The following ZNHIT6 variants were observed in gnomAD, a reference collection of about 807,000 sequenced individuals.
ZNHIT6 encodes box C/D snoRNA protein 1.
Under a neutral mutation model 57.2 loss-of-function variants are expected in ZNHIT6, and 45 were observed. The ratio of observed to expected loss-of-function variants is 0.79; its 90% CI spans 0.62 to 1.01. The LOEUF is 1.01. Among genes scored for constraint, ZNHIT6 ranks in the 50% least tolerant of loss-of-function variants. ZNHIT6 has a pLI of 0.00. For synonymous variants in ZNHIT6, 188 were observed against 190.0 expected (o/e 0.99, Z 0.09); for missense variants, 528 against 567.3 (o/e 0.93, Z 0.70).
intron 8 of ZNHIT6, 71 bp from the exon 9 acceptor site, chr1:85,658,042 T>C (rs1661111025): frequency 3.7e-6 from 4 of 1,071,776 alleles, no homozygotes; most frequent in Non-Finnish European, 5.2e-6. Flanking sequence ...GATAAATATA[T>C]GAGAGTATTT....
At position 85,707,946 on chromosome 1, in the gene ZNHIT6, G is replaced by T. The variant is rs559262740; in HGVS notation, c.339C>A (p.Gly113=). 8.6e-5 allele frequency: 138 copies of T among 1,613,180 alleles called. 5 individuals carry two copies. In the South Asian group the frequency reaches 1.4e-3, roughly 17 times the overall value. ...DRPEVKDENA[G]VLEVKQETDS... ...CCGTCTCCTGCTTCACCTCCAATAC[G>T]CCTGCGTTCTCATCCTTCACCTCAG... is the stretch of plus-strand genomic sequence containing the variant. Residue 113 remains glycine (G), a synonymous_variant, in exon 1 of 10, where the codon GGC becomes GGA. Transcript: ENST00000370574.
chr1:85,687,312 C>T (rs6699547), intron 5 of ZNHIT6, among the ~76,000 whole-genome samples: 3 of 67,380 alleles, frequency 4.5e-5, no homozygotes, highest in African/African-American at 1.1e-4. Context: ...AAAAAAAAAA[C>T]AATTTAGAAC....
chr1:85,675,613 C>A (rs1661677531), intron 8 of ZNHIT6, among the ~76,000 whole-genome samples: 1 of 152,180 alleles, frequency 6.6e-6, no homozygotes, highest in African/African-American at 2.4e-5. Context: ...TAGCCCCTAA[C>A]AAGAGGGTCA....
chr1:85,658,886 AT>A (rs1036410576), intron 8 of ZNHIT6, among the ~76,000 whole-genome samples: 4 of 152,120 alleles, frequency 2.6e-5, no homozygotes, highest in African/African-American at 9.6e-5. Flanking sequence ...AAATAAAAAA[AT>A]AAAATAATAA....
In ZNHIT6 at chr1:85,700,100, C is replaced by T. The variant is rs149441202; in HGVS notation, c.1019+2057G>A. 7.2e-5 allele frequency among the ~76,000 whole-genome samples: 11 copies of T among 152,104 alleles called. No homozygotes were observed. In the East Asian group the frequency reaches 1.2e-3, roughly 16 times the overall value. On this transcript the variant is annotated intron_variant, in intron 5 of 9. Transcript: ENST00000370574. Reference sequence around the variant, plus strand: ...AAAACATGATTAGAAGGAAATGTTACGAAATTTTATTAGTGGTCAACTCTA... The same window carrying T: ...AAAACATGATTAGAAGGAAATGTTATGAAATTTTATTAGTGGTCAACTCTA...
chr1:85,682,106 C>T (rs1001786149), intron 5 of ZNHIT6, among the ~76,000 whole-genome samples: 7 of 150,486 alleles, frequency 4.7e-5, no homozygotes, highest in East Asian at 1.9e-4. Flanking sequence ...CTCCGCCTCC[C>T]GGATTCACAC....
intron 9 of ZNHIT6, among the ~76,000 whole-genome samples, chr1:85,656,618 C>T (rs192598477): frequency 5.3e-5 from 8 of 152,090 alleles, no homozygotes; most frequent in Admixed American, 3.9e-4. Flanking sequence ...TAATACAAAG[C>T]TTAAACAAAG....
intron 9 of ZNHIT6, among the ~76,000 whole-genome samples, chr1:85,655,000 C>G (rs559816987): frequency 6.6e-6 from 1 of 152,172 alleles, no homozygotes; most frequent in Non-Finnish European, 1.5e-5. Context: ...TGACAAGTTC[C>G]CTGGGGTTTG....
intron 8 of ZNHIT6, among the ~76,000 whole-genome samples, chr1:85,673,304 A>G (rs576290888): frequency 1.3e-5 from 2 of 152,330 alleles, no homozygotes; most frequent in African/African-American, 4.8e-5. Flanking sequence ...TCTAAGAGAT[A>G]AATTCAGACC....
rs1191869052 is a variant in ZNHIT6, at chr1:85,696,244, G to T, written c.1019+5913C>A. ...GGCTGGAATGTAACGGTGCAATCAT[G>T]GCATTCACCATCACACCTAGCTAAT... On this transcript the variant is annotated intron_variant, in intron 5 of 9. Transcript: ENST00000370574. 2.6e-5 allele frequency among the ~76,000 whole-genome samples: 4 copies of T among 151,270 alleles called. No homozygotes were observed. In the South Asian group the frequency reaches 8.3e-4, roughly 32 times the overall value.
intron 8 of ZNHIT6, among the ~76,000 whole-genome samples, chr1:85,663,628 T>C (rs2100653362): frequency 6.6e-6 from 1 of 152,286 alleles, no homozygotes; most frequent in East Asian, 1.9e-4. Context: ...AGCTATTGCA[T>C]TCATTGGCAC....
chr1:85,660,491 G>A (rs960584115), intron 8 of ZNHIT6, among the ~76,000 whole-genome samples: 2 of 152,086 alleles, frequency 1.3e-5, no homozygotes, highest in African/African-American at 4.8e-5. Context: ...AAACCAAGAA[G>A]CAACAAAAAG....
chr1:85,670,132 T>C (rs949794616), intron 8 of ZNHIT6, among the ~76,000 whole-genome samples: 2 of 134,176 alleles, frequency 1.5e-5, no homozygotes, highest in Non-Finnish European at 3.3e-5. Flanking sequence ...ACAGATATCA[T>C]GTAAACCAAT....
chr1:85,651,236 T>G lies in ZNHIT6; in HGVS notation c.*2822A>C, dbSNP rs1660897364. 1 of 131,680 alleles carries G rather than the reference T, an allele frequency of 7.6e-6. No homozygotes were observed. The highest frequency in any genetic ancestry group is 2.7e-5 in the African/African-American group (1 of 36,716). The allele number at this position is 131,680 out of a possible 1,614,324, so 8.2% of individuals were successfully genotyped here. ...ATCTTAAATATCTATTTTTAATAAC[T>G]TTTTTTTTTTTTGAGGCAGAGTCTC... is the stretch of plus-strand genomic sequence containing the variant. On this transcript the variant is annotated 3_prime_UTR_variant, in exon 10 of 10. Coordinates refer to ENST00000370574, the MANE Select transcript of ZNHIT6 (RefSeq NM_017953.4).
At chr1:85,698,556 A>G (rs1032823206) in intron 5 of ZNHIT6, among the ~76,000 whole-genome samples, 1 of 152,198 alleles carries the variant, frequency 6.6e-6, no homozygotes, top group African/African-American at 2.4e-5. Context: ...CTCAAAAGTG[A>G]AAACATGTAA....
chr1:85,657,839 A>G lies in ZNHIT6; in HGVS notation c.1372+8T>C, dbSNP rs1474039200. 3 of 1,605,684 alleles carry G rather than the reference A, an allele frequency of 1.9e-6. No individual in the cohort carries two copies. Among genetic ancestry groups the G allele is most frequent in the African/African-American group, 1.3e-5 (1 of 74,550 alleles). On this transcript the variant is annotated splice_region_variant and intron_variant, in intron 9 of 9. Transcript: ENST00000370574. ...TTCTAAGCATTACAGAAACAAATTT[A>G]CACTTACCTTGGTGAAGAACTTTCA...
At chr1:85,689,922 G>A (rs969168138) in intron 5 of ZNHIT6, among the ~76,000 whole-genome samples, 1 of 152,150 alleles carries the variant, frequency 6.6e-6, no homozygotes, top group African/African-American at 2.4e-5. Flanking sequence ...GTAGAAAGGA[G>A]ACCAGATATA....
intron 5 of ZNHIT6, among the ~76,000 whole-genome samples, chr1:85,701,217 C>A (rs1376935644): frequency 6.6e-6 from 1 of 152,086 alleles, no homozygotes; most frequent in African/African-American, 2.4e-5. Context: ...ATTCTGATGG[C>A]TTTGTCTTTT....
chr1:85,682,800 G>A (rs1285765790), intron 5 of ZNHIT6, among the ~76,000 whole-genome samples: 1 of 152,138 alleles, frequency 6.6e-6, no homozygotes, highest in East Asian at 1.9e-4. Context: ...TTTACAAATT[G>A]CCGTATTTTT....
Sources: gnomAD v4.1 joint callset for allele counts (sites outside exome capture counted in the v4.1 genomes callset) on GRCh38, gnomAD v4.1.1 for gene constraint, MANE v1.5 for transcripts, NCBI Gene and HGNC (gene_info 2026-07-23, HGNC 2026-07-21) for gene names.